Variants in DNAJC3 observed in about 807,000 individuals in gnomAD.
DNAJC3 encodes DnaJ heat shock protein family (Hsp40) member C3.
Under a neutral mutation model 68.6 loss-of-function variants are expected in DNAJC3, and 38 were observed. The observed-to-expected ratio is 0.55, with a 90% CI of 0.43 to 0.73. The LOEUF (loss-of-function observed/expected upper bound fraction) is 0.73, where lower values mean the gene tolerates loss of function less well. Ranked by LOEUF, DNAJC3 falls within the 30% of genes least tolerant of loss-of-function variation. The probability of loss-of-function intolerance (pLI) is 0.00; values close to 1 mark genes in which losing one functional copy is unlikely to be tolerated. For missense variants in DNAJC3, 526 were observed against 591.9 expected (o/e 0.89, Z 1.16); for synonymous variants, 203 against 204.0 (o/e 1.00, Z 0.04).
chr13:95,755,494 C>T (rs1882626998), intron 4 of DNAJC3, among the ~76,000 whole-genome samples: 1 of 151,818 alleles, frequency 6.6e-6, no homozygotes, highest in East Asian at 1.9e-4. Context: ...CTCAGTGGCT[C>T]ACGCCTGTAA....
chr13:95,766,388 T>C (rs1490957528), intron 9 of DNAJC3, among the ~76,000 whole-genome samples: 2 of 152,190 alleles, frequency 1.3e-5, no homozygotes, highest in African/African-American at 4.8e-5. Flanking sequence ...GCTACATGTC[T>C]CTGTTTTAAT....
At chr13:95,709,112 A>G (rs1880863377) in intron 1 of DNAJC3, 115 bp from the exon 2 acceptor site, 3 of 659,910 alleles carry the variant, frequency 4.5e-6, no homozygotes, top group South Asian at 4.0e-5. Flanking sequence ...AGCTTCTGTG[A>G]CTTTTCTCAT....
chr13:95,755,857 G>A (rs1278847178), intron 4 of DNAJC3, among the ~76,000 whole-genome samples: 1 of 149,198 alleles, frequency 6.7e-6, no homozygotes, highest in Non-Finnish European at 1.5e-5. Flanking sequence ...AGGCTTCTAA[G>A]GAAGCCCCTC....
chr13:95,754,202 G>A (rs1486516954), intron 4 of DNAJC3, among the ~76,000 whole-genome samples: 1 of 152,226 alleles, frequency 6.6e-6, no homozygotes, highest in Non-Finnish European at 1.5e-5. Flanking sequence ...GGCTTGGCCA[G>A]TAAACGATCC....
rs1198581536 is a variant in DNAJC3 at position 95,794,943 on chromosome 13, C to A, written c.*3913C>A. 6.6e-6 allele frequency: 1 copy of A among 152,050 alleles called. No homozygotes were observed. The highest frequency in any genetic ancestry group is 1.5e-5 in the Non-Finnish European group (1 of 68,030). 9.4% of individuals were successfully genotyped at this position (152,050 alleles called of 1,614,324 possible). A position where few individuals can be genotyped will look rare whatever the true frequency, so the allele number is the denominator to read the frequency against. On this transcript the variant is annotated 3_prime_UTR_variant, in exon 12 of 12. Transcript: ENST00000602402. ...ACAAATATGGGTACTATTTTTATGC[C>A]CGTGTATTTTCACATTTAATAAAAA...
chr13:95,786,111 C>A lies in DNAJC3; in HGVS notation c.1208+40C>A, dbSNP rs113246975. The A allele has an allele frequency of 2.5e-4, 386 of 1,543,710 alleles. No individual in the cohort carries two copies. The African/African-American group carries it at 4.7e-3, about 19-fold the overall frequency. Reference sequence around the variant, plus strand: ...TAAAATTTACTTTGCTATTTTTAATCAACTCTGTTTCAAAGCTAATCATTG... The same window carrying A: ...TAAAATTTACTTTGCTATTTTTAATAAACTCTGTTTCAAAGCTAATCATTG... On this transcript the variant is annotated intron_variant, in intron 10 of 11. Transcript: ENST00000602402.
At chr13:95,687,052 A>G (rs369577195) in intron 1 of DNAJC3, among the ~76,000 whole-genome samples, 2 of 152,166 alleles carry the variant, frequency 1.3e-5, no homozygotes, top group East Asian at 1.9e-4. Context: ...GATTTGTTTC[A>G]TAAGTGTTTT....
chr13:95,729,003 ACT>A (rs1020342772), intron 4 of DNAJC3, among the ~76,000 whole-genome samples: 1 of 150,090 alleles, frequency 6.7e-6, no homozygotes, highest in African/African-American at 2.5e-5. Context: ...CTACTCTCTA[ACT>A]CTGTGAGAGT....
chr13:95,725,973 T>G (rs1402954186), intron 4 of DNAJC3, among the ~76,000 whole-genome samples: 1 of 151,978 alleles, frequency 6.6e-6, no homozygotes, highest in Non-Finnish European at 1.5e-5. Flanking sequence ...TGGTTTCCAG[T>G]TTCATCCATG....
chr13:95,690,801 C>T (rs1305763771), intron 1 of DNAJC3, among the ~76,000 whole-genome samples: 3 of 142,092 alleles, frequency 2.1e-5, no homozygotes, highest in Non-Finnish European at 4.6e-5. Context: ...CTGACCCCCC[C>T]ACCTCCCTCC....
chr13:95,727,109 A>G (rs1368474105), intron 4 of DNAJC3, among the ~76,000 whole-genome samples: 1 of 152,040 alleles, frequency 6.6e-6, no homozygotes, highest in Non-Finnish European at 1.5e-5. Flanking sequence ...AACGTGTTGC[A>G]TAAACATTTG....
chr13:95,717,793 TC>T (rs1881200127), intron 2 of DNAJC3, among the ~76,000 whole-genome samples: 1 of 152,156 alleles, frequency 6.6e-6, no homozygotes, highest in African/African-American at 2.4e-5. Flanking sequence ...TTGTGAGGCC[TC>T]CCCAGCCATG....
chr13:95,786,960 T>C (rs376804113), intron 10 of DNAJC3, 47 bp from the exon 11 acceptor site: 6 of 1,574,184 alleles, frequency 3.8e-6, no homozygotes, highest in Non-Finnish European at 5.1e-6. Context: ...TATGATAGTA[T>C]GTTAGACACT....
At chr13:95,766,485 T>C (rs1247594797) in intron 9 of DNAJC3, among the ~76,000 whole-genome samples, 1 of 152,210 alleles carries the variant, frequency 6.6e-6, no homozygotes, top group Non-Finnish European at 1.5e-5. Flanking sequence ...CAGGTGTCCT[T>C]ATGAAATGAT....
At chr13:95,723,091 G>A (rs759156004) in intron 2 of DNAJC3, 151 bp from the exon 3 acceptor site, 3 of 731,346 alleles carry the variant, frequency 4.1e-6, no homozygotes, top group Non-Finnish European at 6.2e-6. Flanking sequence ...GATCTTGCTA[G>A]GCAACATGAC....
At chr13:95,691,201 C>T (rs1213960346) in intron 1 of DNAJC3, among the ~76,000 whole-genome samples, 2 of 151,956 alleles carry the variant, frequency 1.3e-5, no homozygotes, top group East Asian at 3.9e-4. Context: ...GGCTGACCCC[C>T]CCACCTCCCT....
intron 1 of DNAJC3, among the ~76,000 whole-genome samples, chr13:95,689,089 A>G (rs1283007784): frequency 6.8e-6 from 1 of 147,850 alleles, no homozygotes; most frequent in African/African-American, 2.5e-5. Context: ...TCAGGTTGAT[A>G]CTGGTTTCAT....
At chr13:95,779,317 G>C (rs547458556) in intron 9 of DNAJC3, among the ~76,000 whole-genome samples, 3 of 151,146 alleles carry the variant, frequency 2.0e-5, no homozygotes, top group Non-Finnish European at 3.0e-5. Context: ...GTAGAGACGG[G>C]GTTTCACCGT....
intron 9 of DNAJC3, among the ~76,000 whole-genome samples, chr13:95,780,029 G>A (rs545573485): frequency 6.6e-6 from 1 of 152,294 alleles, no homozygotes; most frequent in Admixed American, 6.5e-5. Flanking sequence ...TTTTCTGCAT[G>A]TAAGGCGTGC....
Sources: gnomAD v4.1 joint callset for allele counts (sites outside exome capture counted in the v4.1 genomes callset) on GRCh38, gnomAD v4.1.1 for gene constraint, MANE v1.5 for transcripts, NCBI Gene and HGNC (gene_info 2026-07-23, HGNC 2026-07-21) for gene names.